MAPKAP1: variants seen among roughly 807,000 people sequenced by gnomAD.
MAPKAP1 encodes target of rapamycin complex 2 subunit MAPKAP1.
Under a neutral mutation model 65.7 loss-of-function variants are expected in MAPKAP1, and 20 were observed. That is an observed-to-expected ratio of 0.30 (90% CI 0.21 to 0.44). MAPKAP1 has a LOEUF of 0.44. Ranked by LOEUF, MAPKAP1 falls within the 20% of genes least tolerant of loss-of-function variation. The pLI is 1.00. For synonymous variants in MAPKAP1, 222 were observed against 244.3 expected, an observed-to-expected ratio of 0.91 and a Z score of 0.85; for missense variants, 423 against 648.0, an observed-to-expected ratio of 0.65 and a Z score of 3.77.
At chr9:125,622,172 C>T (rs1832922875) in intron 4 of MAPKAP1, among the ~76,000 whole-genome samples, 1 of 152,080 alleles carries the variant, frequency 6.6e-6, no homozygotes, top group Non-Finnish European at 1.5e-5. Flanking sequence ...TTCATGAGTA[C>T]AAAATTATAG....
chr9:125,451,054 T>G (rs1852928268), intron 10 of MAPKAP1: 1 of 152,352 alleles, frequency 6.6e-6, no homozygotes, highest in Non-Finnish European at 1.5e-5. Flanking sequence ...CCTGACCTAC[T>G]TACATTTCTG....
At chr9:125,693,430 T>A (rs867354535) in intron 1 of MAPKAP1, among the ~76,000 whole-genome samples, 2,886 of 144,690 alleles carry the variant, frequency 0.02, 82 homozygotes, top group African/African-American at 0.059. Flanking sequence ...AAAAAAAATA[T>A]ATATATATAT....
chr9:125,547,681 T>C (rs1236209428), intron 6 of MAPKAP1, among the ~76,000 whole-genome samples: 2 of 152,160 alleles, frequency 1.3e-5, no homozygotes, highest in Non-Finnish European at 2.9e-5. Context: ...CAAAACTCAC[T>C]GCCTGTCATT....
chr9:125,463,621 G>C (rs1047200296), intron 10 of MAPKAP1, among the ~76,000 whole-genome samples: 3 of 152,154 alleles, frequency 2.0e-5, no homozygotes, highest in African/African-American at 7.2e-5. Flanking sequence ...TAACCCCAAA[G>C]AGTTCCTATC....
intron 1 of MAPKAP1, among the ~76,000 whole-genome samples, chr9:125,676,624 G>A (rs1306767363): frequency 6.6e-6 from 1 of 152,126 alleles, no homozygotes; most frequent in Non-Finnish European, 1.5e-5. Context: ...AGGTAGTAAT[G>A]GGGAAAAAGT....
In MAPKAP1 at chr9:125,467,989, G is replaced by T; in HGVS notation, c.1328C>A (p.Ala443Asp). 1 of 1,614,176 alleles carries T rather than the reference G, an allele frequency of 6.2e-7. No individual in the cohort carries two copies. The highest frequency in any genetic ancestry group is 8.5e-7 in the Non-Finnish European group (1 of 1,180,024). The change falls in exon 10 of 12, where the codon GCT (alanine) becomes GAT (aspartate). Residue 443 changes from alanine (A) to aspartate (D), a missense_variant. Ala to Asp is a moderately radical substitution (Grantham distance 126). This residue lies in a region of MAPKAP1 where 185 missense variants were observed against 268.1 expected (regional missense o/e 0.69). Coordinates refer to ENST00000265960, the MANE Select transcript of MAPKAP1 (RefSeq NM_001006617.3). ...DSDLLCACDL[A>D]EEKSPSHAIF... ...CTACTCACTGGGGCTTTTCTCTTCA[G>T]CAAGGTCACAGGCACAGAGCAGGTC...
intron 5 of MAPKAP1, among the ~76,000 whole-genome samples, chr9:125,568,345 G>C (rs1009156741): frequency 1.3e-5 from 2 of 152,142 alleles, no homozygotes; most frequent in African/African-American, 4.8e-5. Flanking sequence ...TGGGATATGA[G>C]GAGTTTTTTC....
intron 5 of MAPKAP1, among the ~76,000 whole-genome samples, chr9:125,579,409 G>A (rs1831547663): frequency 2.0e-5 from 3 of 152,022 alleles, no homozygotes; most frequent in Admixed American, 1.3e-4. Context: ...CTCCTGCCTC[G>A]GACTCCCGAG....
At chr9:125,692,165 A>AT (rs1835189786) in intron 1 of MAPKAP1, among the ~76,000 whole-genome samples, 1 of 152,244 alleles carries the variant, frequency 6.6e-6, no homozygotes, top group Non-Finnish European at 1.5e-5. Flanking sequence ...ACTCCTAGGA[A>AT]TATACCCAAG....
chr9:125,703,011 CCT>C (rs559199968), intron 1 of MAPKAP1, among the ~76,000 whole-genome samples: 248 of 152,150 alleles, frequency 1.6e-3, no homozygotes, highest in African/African-American at 5.6e-3. Context: ...AGGACGATAC[CCT>C]GTCTCTAAAA....
At chr9:125,602,799 T>C (rs886695229) in intron 4 of MAPKAP1, among the ~76,000 whole-genome samples, 1 of 152,152 alleles carries the variant, frequency 6.6e-6, no homozygotes, top group African/African-American at 2.4e-5. Flanking sequence ...GTTCGTTAAG[T>C]AGGCTGTTCC....
At chr9:125,657,879 G>C (rs1315992205) in intron 3 of MAPKAP1, 80 bp from the exon 4 acceptor site, 2 of 1,334,530 alleles carry the variant, frequency 1.5e-6, no homozygotes, top group Non-Finnish European at 2.1e-6. Flanking sequence ...GTCTTCCTTA[G>C]AACCTTAAGG....
chr9:125,598,599 C>T (rs1452546320), intron 4 of MAPKAP1, among the ~76,000 whole-genome samples: 1 of 152,270 alleles, frequency 6.6e-6, no homozygotes, highest in East Asian at 1.9e-4. Flanking sequence ...CAAGTCGGGG[C>T]ATCAGATAGA....
At chr9:125,557,422 A>G (rs1830768122) in intron 6 of MAPKAP1, among the ~76,000 whole-genome samples, 1 of 152,242 alleles carries the variant, frequency 6.6e-6, no homozygotes, top group South Asian at 2.1e-4. Flanking sequence ...AGTAGAAAAA[A>G]AAACTTCTAA....
At chr9:125,495,168 T>C (rs1854895252) in intron 8 of MAPKAP1, among the ~76,000 whole-genome samples, 1 of 152,184 alleles carries the variant, frequency 6.6e-6, no homozygotes, top group Non-Finnish European at 1.5e-5. Flanking sequence ...TTTGACAATT[T>C]ACATGGCAAA....
chr9:125,624,780 G>A (rs1259811813), intron 4 of MAPKAP1, among the ~76,000 whole-genome samples: 2 of 84,496 alleles, frequency 2.4e-5, no homozygotes, highest in African/African-American at 8.3e-5. Flanking sequence ...TGACAATGGC[G>A]GCTTTGTGGA....
rs764749962 is a variant in MAPKAP1, at chr9:125,672,451, G to A, written c.124C>T (p.His42Tyr). 1.2e-6 allele frequency: 2 copies of A among 1,614,132 alleles called. No individual in the cohort carries two copies. The highest frequency in any genetic ancestry group is 1.1e-5 in the South Asian group (1 of 91,084). Residue 42 changes from histidine to tyrosine, a missense_variant, in exon 2 of 12, where the codon CAT becomes TAT. Physicochemically the swap from His to Tyr is moderately conservative, Grantham distance 83 (BLOSUM62 2). Around this residue, in one of 6 missense-constraint regions of MAPKAP1, gnomAD observed 58 missense variants for 56.9 expected, o/e 1.02. Transcript: ENST00000265960. The part of the protein sequence containing the change: ...IDHDVDLEKI[H>Y]PPSMPGDSGS... ...CTGTCTCCAGGCATTGAAGGAGGATGAATCTTCTCTAGGTCAACATCATGA... is the reference window on the plus strand; with the variant it reads ...CTGTCTCCAGGCATTGAAGGAGGATAAATCTTCTCTAGGTCAACATCATGA...
At position 125,439,777 on chromosome 9, in the gene MAPKAP1, G is replaced by A. The variant is rs1209325286; in HGVS notation, c.1444-765C>T. ...CTGCACCGCCAGGCGCTTCCCCAGCGCTACAGCGCTGAGACTTGGTCCTGG... is the reference window on the plus strand; with the variant it reads ...CTGCACCGCCAGGCGCTTCCCCAGCACTACAGCGCTGAGACTTGGTCCTGG... On this transcript the variant is annotated intron_variant, in intron 11 of 11. Transcript: ENST00000265960. This position sits in a 1 kb window ranked among gnomAD's most constrained non-coding sequence, Gnocchi z 4.0. Among the ~76,000 whole-genome samples the A allele has an allele frequency of 2.6e-5, 4 of 152,246 alleles. No individual in the cohort carries two copies. Among genetic ancestry groups the A allele is most frequent in the South Asian group, 2.1e-4 (1 of 4,832 alleles).
intron 4 of MAPKAP1, among the ~76,000 whole-genome samples, chr9:125,634,157 C>T (rs137898976): frequency 1.3e-5 from 2 of 152,248 alleles, no homozygotes; most frequent in African/African-American, 2.4e-5. Context: ...TTCAGGGGGG[C>T]TCCTTCATTT....
Sources: gnomAD v4.1 joint callset for allele counts (sites outside exome capture counted in the v4.1 genomes callset) on GRCh38, gnomAD v4.1.1 for gene constraint, gnomAD v4.1.1 regional missense constraint, Gnocchi (gnomAD v3.1) non-coding constraint, MANE v1.5 for transcripts, NCBI Gene and HGNC (gene_info 2026-07-23, HGNC 2026-07-21) for gene names.